The following FGF9 variants were observed in gnomAD, a reference collection of about 807,000 sequenced individuals.
FGF9 encodes the protein fibroblast growth factor 9 (glia-activating factor).
Under a neutral mutation model 19.9 loss-of-function variants are expected in FGF9, and 3 were observed. The observed-to-expected ratio is 0.15, with a 90% CI of 0.07 to 0.39. The LOEUF is 0.39. Among genes scored for constraint, FGF9 ranks in the 10% least tolerant of loss-of-function variants. The pLI is 1.00. For synonymous variants in FGF9, 107 were observed against 106.9 expected, an observed-to-expected ratio of 1.00 and a Z score of -0.01; for missense variants, 175 against 256.8, an observed-to-expected ratio of 0.68 and a Z score of 2.18.
In FGF9 at chr13:21,704,280, C is replaced by G. The variant is rs1228878932; in HGVS notation, c.*2845C>G. 1 of 152,160 alleles carries G rather than the reference C, an allele frequency of 6.6e-6. No homozygotes were observed. The highest frequency in any genetic ancestry group is 1.5e-5 in the Non-Finnish European group (1 of 68,032). 9.4% of individuals were successfully genotyped at this position (152,160 alleles called of 1,614,324 possible). A position where few individuals can be genotyped will look rare whatever the true frequency, so the allele number is the denominator to read the frequency against. ...CTTCCCATCTGTCATGTGAATGTCC[C>G]CAAGCAGTGGTGAAGGACATGCTAG... On this transcript the variant is annotated 3_prime_UTR_variant, in exon 3 of 3. Coordinates refer to ENST00000382353, the MANE Select transcript of FGF9 (RefSeq NM_002010.3).
chr13:21,671,942 T>C lies in FGF9; in HGVS notation c.30T>C (p.Tyr10=), dbSNP rs746289906. The part of the protein sequence containing the change: MAPLGEVGN[Y]FGVQDAVPFG... Reference sequence around the variant, plus strand: ...CTCCCTTAGGTGAAGTTGGGAACTATTTCGGTGTGCAGGATGCGGTACCGT... The same window carrying C: ...CTCCCTTAGGTGAAGTTGGGAACTACTTCGGTGTGCAGGATGCGGTACCGT... Residue 10 remains tyrosine, a synonymous_variant, in exon 1 of 3, where the codon TAT becomes TAC. Transcript: ENST00000382353. 3.7e-6 allele frequency: 6 copies of C among 1,614,230 alleles called. No homozygotes were observed. The highest frequency in any genetic ancestry group is 5.1e-6 in the Non-Finnish European group (6 of 1,180,042).
Position 21,671,756 on chromosome 13 carries a change from A to C in FGF9, c.-157A>C, listed in dbSNP as rs1242374049. ...GCCAGTGAAACAGCAGATTACTTTT[A>C]TTTATGCATTTAATGGATTGAAGAA... is the stretch of plus-strand genomic sequence containing the variant. On this transcript the variant is annotated 5_prime_UTR_variant, in exon 1 of 3. Transcript: ENST00000382353. The C allele has an allele frequency of 3.7e-6, 3 of 805,990 alleles. No individual in the cohort carries two copies. The African/African-American group carries it at 5.2e-5, about 14-fold the overall frequency. The allele number at this position is 805,990 out of a possible 1,614,324, so 49.9% of individuals were successfully genotyped here. A position where few individuals can be genotyped will look rare whatever the true frequency, so the allele number is the denominator to read the frequency against.
In FGF9 at chr13:21,671,900, G is replaced by C. The variant is rs17069965; in HGVS notation, c.-13G>C. 5.0e-6 allele frequency: 8 copies of C among 1,613,954 alleles called. No individual in the cohort carries two copies. In the East Asian group the frequency reaches 1.8e-4, roughly 36 times the overall value. ...TATTGTTTATTCTTGTGCTCCAAAAGCCGAGTCCTCTGATGGCTCCCTTAG... is the reference window on the plus strand; with the variant it reads ...TATTGTTTATTCTTGTGCTCCAAAACCCGAGTCCTCTGATGGCTCCCTTAG... On this transcript the variant is annotated 5_prime_UTR_variant, in exon 1 of 3. Coordinates refer to ENST00000382353, the MANE Select transcript of FGF9 (RefSeq NM_002010.3).
At chr13:21,675,871 C>T (rs1280749268) in intron 1 of FGF9, among the ~76,000 whole-genome samples, 1 of 151,452 alleles carries the variant, frequency 6.6e-6, no homozygotes, top group African/African-American at 2.4e-5. Context: ...GGGAGTCTTA[C>T]TGTTCCAGCA....
intron 2 of FGF9, among the ~76,000 whole-genome samples, chr13:21,683,641 G>C (rs1012894002): frequency 3.3e-5 from 5 of 152,198 alleles, no homozygotes; most frequent in African/African-American, 1.2e-4. Flanking sequence ...CTCTTCTTCC[G>C]TGTGTGCTTG....
intron 2 of FGF9, among the ~76,000 whole-genome samples, chr13:21,698,659 C>A (rs1872471584): frequency 6.6e-6 from 1 of 152,124 alleles, no homozygotes; most frequent in Admixed American, 6.5e-5. Flanking sequence ...CAAGAAAAAC[C>A]ATTGTGCTAT....
At chr13:21,676,230 G>A (rs1371270289) in intron 1 of FGF9, among the ~76,000 whole-genome samples, 1 of 152,038 alleles carries the variant, frequency 6.6e-6, no homozygotes, top group Non-Finnish European at 1.5e-5. Flanking sequence ...TTTTGGCTGG[G>A]GTTAGGTAGC....
rs1025382095 is a variant in FGF9 at position 21,703,061 on chromosome 13, C to T, written c.*1626C>T. On this transcript the variant is annotated 3_prime_UTR_variant, in exon 3 of 3. Coordinates refer to ENST00000382353, the MANE Select transcript of FGF9 (RefSeq NM_002010.3). ...AAGCGAGACTATTTCTTACTATATACTAAGGAGAAAAGAGCCAAATTCTTA... is the reference window on the plus strand; with the variant it reads ...AAGCGAGACTATTTCTTACTATATATTAAGGAGAAAAGAGCCAAATTCTTA... 5 of 152,132 alleles carry T rather than the reference C, an allele frequency of 3.3e-5. No individual in the cohort carries two copies. The highest frequency in any genetic ancestry group is 1.2e-4 in the African/African-American group (5 of 41,418). The allele number at this position is 152,132 out of a possible 1,614,324, so 9.4% of individuals were successfully genotyped here.
chr13:21,689,120 G>T (rs1872228841), intron 2 of FGF9, among the ~76,000 whole-genome samples: 1 of 152,190 alleles, frequency 6.6e-6, no homozygotes, highest in African/African-American at 2.4e-5. Flanking sequence ...AACAGGTGCA[G>T]CTTTCGCACA....
rs1871794853 is a variant in FGF9 at position 21,672,591 on chromosome 13, C to G, written c.277+402C>G. 6.6e-6 allele frequency among the ~76,000 whole-genome samples: 1 copy of G among 152,212 alleles called. No individual in the cohort carries two copies. The highest frequency in any genetic ancestry group is 2.4e-5 in the African/African-American group (1 of 41,450). ...GCAGTTTCTTGAAGGCAGTGGGTATCTTGTGCCCAAATTAAGGTTTTTTTC... is the reference window on the plus strand; with the variant it reads ...GCAGTTTCTTGAAGGCAGTGGGTATGTTGTGCCCAAATTAAGGTTTTTTTC... On this transcript the variant is annotated intron_variant, in intron 1 of 2. Transcript: ENST00000382353. The surrounding 1 kb of genome is among the most constrained non-coding windows in gnomAD (Gnocchi z 4.2).
chr13:21,674,307 A>C (rs1375615020), intron 1 of FGF9: 1 of 46,190 alleles, frequency 2.2e-5, no homozygotes, highest in Non-Finnish European at 4.1e-5. Flanking sequence ...GGTGCCCGGG[A>C]GGTGGGTCGG....
rs577111056 is a variant in FGF9 at position 21,692,627 on chromosome 13, A to G, written c.382-8563A>G. On this transcript the variant is annotated intron_variant, in intron 2 of 2. Coordinates refer to ENST00000382353, the MANE Select transcript of FGF9 (RefSeq NM_002010.3). ...GTGAGGATTAGAGAAGATGACGCCT[A>G]CAAAGTGGCCCATGTAGTGCTTGAC... Among the ~76,000 whole-genome samples the G allele has an allele frequency of 1.7e-3, 256 of 152,346 alleles. 1 individual carries two copies. Among genetic ancestry groups the G allele is most frequent in the African/African-American group, 5.8e-3 (242 of 41,590 alleles).
rs564056332 is a variant in FGF9, at chr13:21,694,482, C to T, written c.382-6708C>T. On this transcript the variant is annotated intron_variant, in intron 2 of 2. Transcript: ENST00000382353. ...AATCCTTATTTCCTTAATTTTACTT[C>T]TCAGCCTTTTAGCTTTCCATTTCTC... 5.3e-5 allele frequency among the ~76,000 whole-genome samples: 8 copies of T among 152,288 alleles called. No homozygotes were observed. The South Asian group carries it at 1.7e-3, about 32-fold the overall frequency.
chr13:21,683,825 G>A (rs1872096721), intron 2 of FGF9, among the ~76,000 whole-genome samples: 1 of 152,222 alleles, frequency 6.6e-6, no homozygotes, highest in Non-Finnish European at 1.5e-5. Flanking sequence ...GATGGCAGAA[G>A]TACCTTCAAA....
chr13:21,690,680 C>T (rs746090029), intron 2 of FGF9, among the ~76,000 whole-genome samples: 1 of 152,130 alleles, frequency 6.6e-6, no homozygotes, highest in Non-Finnish European at 1.5e-5. Context: ...TATTTGTGGT[C>T]GTGGGCAAAA....
chr13:21,679,942 G>A (rs1362193014), intron 1 of FGF9, among the ~76,000 whole-genome samples: 1 of 131,708 alleles, frequency 7.6e-6, no homozygotes. Flanking sequence ...GGGCAACAGA[G>A]TAAGACTCCA....
chr13:21,675,636 G>A (rs1238008702), intron 1 of FGF9, among the ~76,000 whole-genome samples: 1 of 152,198 alleles, frequency 6.6e-6, no homozygotes, highest in Non-Finnish European at 1.5e-5. Flanking sequence ...TGGGGAGTTC[G>A]TCCTCACACT....
intron 2 of FGF9, among the ~76,000 whole-genome samples, chr13:21,693,645 C>T (rs189122166): frequency 2.6e-5 from 4 of 152,120 alleles, no homozygotes; most frequent in South Asian, 2.1e-4. Context: ...TTGGTCAAGC[C>T]GACAGTTCAT....
rs532962159 is a variant in FGF9, at chr13:21,697,998, T to C, written c.382-3192T>C. 2.2e-4 allele frequency among the ~76,000 whole-genome samples: 33 copies of C among 152,212 alleles called. No homozygotes were observed. The East Asian group carries it at 2.3e-3, about 11-fold the overall frequency. ...AATATTTTTGTATTTTTAGTAGAGA[T>C]GGGGTTTCACCGTGTTAGCCAGGAT... On this transcript the variant is annotated intron_variant, in intron 2 of 2. Coordinates refer to ENST00000382353, the MANE Select transcript of FGF9 (RefSeq NM_002010.3).
Sources: allele counts gnomAD v4.1 joint callset (sites outside exome capture counted in the v4.1 genomes callset), GRCh38; gene constraint gnomAD v4.1.1; non-coding constraint Gnocchi (gnomAD v3.1); transcripts MANE v1.5; gene names NCBI Gene and HGNC (gene_info 2026-07-23, HGNC 2026-07-21).